The following TRDN variants were observed in gnomAD, a reference collection of about 807,000 sequenced individuals.
The protein encoded by TRDN is triadin.
A neutral mutation model predicts 149.7 loss-of-function variants in TRDN; 161 were observed. That is an observed-to-expected ratio of 1.08 (90% CI 0.95 to 1.23). The LOEUF is 1.23. TRDN is among the 50% of genes most tolerant of loss of function. The probability of loss-of-function intolerance (pLI) is 0.00; values close to 1 mark genes in which losing one functional copy is unlikely to be tolerated. For missense variants in TRDN, 896 were observed against 823.5 expected (o/e 1.09, Z -1.08); for synonymous variants, 294 against 250.5 (o/e 1.17, Z -1.64).
At chr6:123,562,517 C>T (rs1444781874) in intron 2 of TRDN, among the ~76,000 whole-genome samples, 1 of 152,158 alleles carries the variant, frequency 6.6e-6, no homozygotes, top group Non-Finnish European at 1.5e-5. Flanking sequence ...AGTAGGTTCT[C>T]ACAGATACCA....
chr6:123,340,900 G>A (rs1474215886), intron 21 of TRDN, among the ~76,000 whole-genome samples: 1 of 151,910 alleles, frequency 6.6e-6, no homozygotes, highest in Non-Finnish European at 1.5e-5. Context: ...TTCCTAATAT[G>A]ATACTGCACT....
intron 1 of TRDN, among the ~76,000 whole-genome samples, chr6:123,617,428 A>C (rs1785151071): frequency 6.6e-6 from 1 of 152,174 alleles, no homozygotes; most frequent in African/African-American, 2.4e-5. Context: ...GAAGAAATAA[A>C]TATTGCACAA....
intron 34 of TRDN, among the ~76,000 whole-genome samples, chr6:123,259,952 C>G (rs1219321544): frequency 6.6e-6 from 1 of 151,636 alleles, no homozygotes; most frequent in Non-Finnish European, 1.5e-5. Flanking sequence ...TCTTCCTCCT[C>G]CTACTTCTTT....
intron 31 of TRDN, among the ~76,000 whole-genome samples, chr6:123,268,128 AT>A (rs1237208102): frequency 9.9e-5 from 15 of 152,036 alleles, no homozygotes; most frequent in Admixed American, 9.9e-4. Flanking sequence ...TTGACATTTT[AT>A]CAACTCCTCT....
At chr6:123,500,147 T>C (rs1178058933) in intron 8 of TRDN, among the ~76,000 whole-genome samples, 3 of 152,128 alleles carry the variant, frequency 2.0e-5, no homozygotes, top group Non-Finnish European at 4.4e-5. Context: ...GGATGTTTTT[T>C]AACTTAGAAA....
chr6:123,443,659 C>T (rs1027994327), intron 10 of TRDN, among the ~76,000 whole-genome samples: 3 of 151,834 alleles, frequency 2.0e-5, no homozygotes, highest in South Asian at 2.1e-4. Context: ...AGGGGTCAAA[C>T]GTTTAAGTCT....
At chr6:123,352,459 C>G in intron 21 of TRDN, 80 bp downstream of exon 21, 1 of 1,577,580 alleles carries the variant, frequency 6.3e-7, no homozygotes, top group Non-Finnish European at 8.6e-7. Flanking sequence ...TGTCTTCCGC[C>G]TGTCTGAATC....
At position 123,302,914 on chromosome 6, in the gene TRDN, T is replaced by C. The variant is rs564767518; in HGVS notation, c.1510+13543A>G. Among the ~76,000 whole-genome samples the C allele has an allele frequency of 2.6e-5, 4 of 152,282 alleles. No individual in the cohort carries two copies. In the South Asian group the frequency reaches 6.2e-4, roughly 24 times the overall value. On this transcript the variant is annotated intron_variant, in intron 24 of 40. Coordinates refer to ENST00000334268, the MANE Select transcript of TRDN (RefSeq NM_006073.4). Reference sequence around the variant, plus strand: ...TGGACCACACTTTAAATAGTAACTGTATAGATTATAACCTTTTATATTTTT... The same window carrying C: ...TGGACCACACTTTAAATAGTAACTGCATAGATTATAACCTTTTATATTTTT...
chr6:123,595,006 C>G (rs930377630), intron 1 of TRDN, among the ~76,000 whole-genome samples: 15 of 151,654 alleles, frequency 9.9e-5, no homozygotes, highest in African/African-American at 3.6e-4. Context: ...GTTGTGCCAT[C>G]TTGAGACTCA....
In TRDN at chr6:123,634,157, G is replaced by A. The variant is rs144095388; in HGVS notation, c.22+2597C>T. Among the ~76,000 whole-genome samples the A allele has an allele frequency of 3.0e-3, 450 of 152,098 alleles. 2 individuals are homozygous for A. Among genetic ancestry groups the A allele is most frequent in the African/African-American group, 0.01 (426 of 41,544 alleles). On this transcript the variant is annotated intron_variant, in intron 1 of 40. Transcript: ENST00000334268. ...CCAAAAGTGATTGCAAGCCCCAGGC[G>A]TGATGGTTCTTGCCTGTATTCCCAA...
intron 38 of TRDN, among the ~76,000 whole-genome samples, chr6:123,248,942 G>C (rs1332947251): frequency 2.0e-5 from 3 of 152,080 alleles, no homozygotes; most frequent in Non-Finnish European, 4.4e-5. Flanking sequence ...CAATATCTCT[G>C]TTGAATATAG....
chr6:123,485,373 A>G (rs1777929350), intron 9 of TRDN, among the ~76,000 whole-genome samples: 3 of 152,214 alleles, frequency 2.0e-5, no homozygotes, highest in Non-Finnish European at 4.4e-5. Context: ...TCTACAAATG[A>G]ATAAAAATTG....
intron 9 of TRDN, among the ~76,000 whole-genome samples, chr6:123,486,405 G>T (rs984325512): frequency 5.3e-5 from 8 of 151,696 alleles, no homozygotes; most frequent in Admixed American, 3.9e-4. Context: ...TACTATAGAA[G>T]TTGCCGTTTA....
chr6:123,553,561 T>C (rs541639643), intron 2 of TRDN, among the ~76,000 whole-genome samples: 1 of 152,252 alleles, frequency 6.6e-6, no homozygotes, highest in South Asian at 2.1e-4. Flanking sequence ...TTAGTCCGTT[T>C]CCATACTGCT....
At chr6:123,572,710 A>G (rs1782646198) in intron 1 of TRDN, among the ~76,000 whole-genome samples, 1 of 152,160 alleles carries the variant, frequency 6.6e-6, no homozygotes, top group Non-Finnish European at 1.5e-5. Context: ...AGCAAAGTTA[A>G]AAAACATTTT....
chr6:123,425,234 TGTGTGTG>T (rs1774068591), intron 12 of TRDN, among the ~76,000 whole-genome samples: 1 of 1,558 alleles, frequency 6.4e-4, no homozygotes, highest in African/African-American at 8.8e-4. Context: ...GAGGTAGAGG[TGTGTGTG>T]TGTGTGTGTG....
At chr6:123,282,864 T>C (rs116152709) in intron 24 of TRDN, among the ~76,000 whole-genome samples, 1 of 151,856 alleles carries the variant, frequency 6.6e-6, no homozygotes, top group Non-Finnish European at 1.5e-5. Context: ...TTGGGGCATA[T>C]AACACATATA....
At chr6:123,257,223 C>G (rs184235840) in intron 35 of TRDN, among the ~76,000 whole-genome samples, 2 of 152,140 alleles carry the variant, frequency 1.3e-5, no homozygotes, top group Non-Finnish European at 2.9e-5. Flanking sequence ...CGTGATCCGC[C>G]CACATCAGCC....
At chr6:123,373,614 C>T (rs1781403158) in intron 19 of TRDN, among the ~76,000 whole-genome samples, 2 of 152,136 alleles carry the variant, frequency 1.3e-5, no homozygotes, top group African/African-American at 4.8e-5. Context: ...CCAGTTATGG[C>T]CTTTAATCCA....
Sources: allele counts gnomAD v4.1 joint callset (sites outside exome capture counted in the v4.1 genomes callset), GRCh38; gene constraint gnomAD v4.1.1; transcripts MANE v1.5; gene names NCBI Gene and HGNC (gene_info 2026-07-23, HGNC 2026-07-21).